PKP4: variants seen among roughly 807,000 people sequenced by gnomAD.
PKP4 encodes the protein plakophilin-4.
In PKP4, 90 loss-of-function variants were observed where a neutral mutation model predicts 145.1. The observed-to-expected ratio is 0.62, with a 90% CI of 0.52 to 0.74. The LOEUF (loss-of-function observed/expected upper bound fraction) is 0.74, where lower values mean the gene tolerates loss of function less well. Ranked by LOEUF, PKP4 falls within the 30% of genes least tolerant of loss-of-function variation. PKP4 has a pLI of 0.00. For synonymous variants in PKP4, 563 were observed against 577.2 expected (o/e 0.98, Z 0.35); for missense variants, 1,340 against 1,482.7 (o/e 0.90, Z 1.58).
chr2:158,545,925 A>G (rs1438854130), intron 2 of PKP4, among the ~76,000 whole-genome samples: 1 of 152,176 alleles, frequency 6.6e-6, no homozygotes, highest in African/African-American at 2.4e-5. Flanking sequence ...TCAAAATTGG[A>G]AGCATATTTT....
At chr2:158,520,321 A>G (rs1186605878) in intron 1 of PKP4, among the ~76,000 whole-genome samples, 1 of 152,164 alleles carries the variant, frequency 6.6e-6, no homozygotes, top group Non-Finnish European at 1.5e-5. Flanking sequence ...GGCTGAGGGT[A>G]TTATATTTTG....
At chr2:158,630,014 G>C (rs1271677756) in intron 7 of PKP4, among the ~76,000 whole-genome samples, 1 of 152,180 alleles carries the variant, frequency 6.6e-6, no homozygotes, top group African/African-American at 2.4e-5. Context: ...TTACAGGCAT[G>C]CGCCACCGTG....
chr2:158,544,745 C>T (rs1024590217), intron 2 of PKP4, among the ~76,000 whole-genome samples: 1 of 152,214 alleles, frequency 6.6e-6, no homozygotes, highest in Non-Finnish European at 1.5e-5. Flanking sequence ...ACTACTCCAA[C>T]TTATCTGTTA....
intron 1 of PKP4, among the ~76,000 whole-genome samples, chr2:158,502,980 T>C (rs959081448): frequency 2.6e-5 from 4 of 152,250 alleles, no homozygotes; most frequent in Admixed American, 2.0e-4. Context: ...TGCTAAGAAG[T>C]GTTAAAGACT....
At chr2:158,537,346 C>A (rs1459392108) in intron 2 of PKP4, among the ~76,000 whole-genome samples, 1 of 152,004 alleles carries the variant, frequency 6.6e-6, no homozygotes, top group Non-Finnish European at 1.5e-5. Context: ...CCAATTTAGT[C>A]GAAAGTTAAG....
At chr2:158,494,699 G>GA (rs1695425276) in intron 1 of PKP4, among the ~76,000 whole-genome samples, 1 of 152,130 alleles carries the variant, frequency 6.6e-6, no homozygotes, top group Non-Finnish European at 1.5e-5. Context: ...TAAGCAAACA[G>GA]CAAATGATTT....
At chr2:158,626,142 A>G (rs1410505775) in intron 7 of PKP4, among the ~76,000 whole-genome samples, 2 of 152,366 alleles carry the variant, frequency 1.3e-5, no homozygotes, top group African/African-American at 2.4e-5. Context: ...AATTAAAACT[A>G]TATGGGAAAA....
intron 4 of PKP4, among the ~76,000 whole-genome samples, chr2:158,610,314 G>A (rs764900403): frequency 2.8e-4 from 42 of 151,912 alleles, no homozygotes; most frequent in Non-Finnish European, 4.7e-4. Flanking sequence ...TTCACATCTC[G>A]AAATATACAA....
Position 158,670,004 on chromosome 2 carries a change from G to A in PKP4, c.2924+89G>A, listed in dbSNP as rs532893263. The A allele has an allele frequency of 2.1e-5, 22 of 1,030,074 alleles. 1 individual carries two copies. The Middle Eastern group carries it at 1.5e-3, about 68-fold the overall frequency. The allele number at this position is 1,030,074 out of a possible 1,614,324, so 63.8% of individuals were successfully genotyped here. A position where few individuals can be genotyped will look rare whatever the true frequency, so the allele number is the denominator to read the frequency against. ...CTTTGTTGAGGATACCTTTCCTATTGGAAAGGATTTATTTTTGCATTTCTT... is the reference window on the plus strand; with the variant it reads ...CTTTGTTGAGGATACCTTTCCTATTAGAAAGGATTTATTTTTGCATTTCTT... On this transcript the variant is annotated intron_variant, in intron 17 of 21. Transcript: ENST00000389759.
chr2:158,537,226 A>G (rs2105645975), intron 2 of PKP4, among the ~76,000 whole-genome samples: 1 of 152,344 alleles, frequency 6.6e-6, no homozygotes, highest in Middle Eastern at 3.4e-3. Context: ...CACTATATCC[A>G]TATTGATAAA....
chr2:158,528,259 T>C (rs2043142924), intron 1 of PKP4, among the ~76,000 whole-genome samples: 1 of 150,160 alleles, frequency 6.7e-6, no homozygotes, highest in African/African-American at 2.4e-5. Context: ...AATGATAGAC[T>C]GGATTAAGAA....
rs149323671 is a variant in PKP4, at chr2:158,611,610, AAC to A, written c.280+8509_280+8510del. The stretch of plus-strand genomic sequence containing the variant: ...GAGATAAGAAGTTGACTTAAATTGA[AAC>A]ACTTTATGCCTCAGTAGAAATGTAC... On this transcript the variant is annotated intron_variant, in intron 4 of 21. Coordinates refer to ENST00000389759, the MANE Select transcript of PKP4 (RefSeq NM_003628.6). Among the ~76,000 whole-genome samples, 463 of 152,326 alleles carry A rather than the reference AAC, an allele frequency of 3.0e-3. 3 individuals are homozygous for A. The highest frequency in any genetic ancestry group is 0.01 in the African/African-American group (434 of 41,586).
In PKP4 at chr2:158,640,779, G is replaced by A; in HGVS notation, c.1695+20G>A. 3 of 1,613,158 alleles carry A rather than the reference G, an allele frequency of 1.9e-6. No homozygotes were observed. Among genetic ancestry groups the A allele is most frequent in the Non-Finnish European group, 8.5e-7 (1 of 1,179,390 alleles). ...ATGGAGGTACAGGACATGGTGCCTG[G>A]GATGACTGGGGAAAATAATGCCTTT... On this transcript the variant is annotated intron_variant, in intron 10 of 21. Coordinates refer to ENST00000389759, the MANE Select transcript of PKP4 (RefSeq NM_003628.6).
chr2:158,593,214 A>G (rs930895388), intron 3 of PKP4, among the ~76,000 whole-genome samples: 1 of 152,190 alleles, frequency 6.6e-6, no homozygotes, highest in Non-Finnish European at 1.5e-5. Context: ...CCTCTGTTTC[A>G]AGGCCAAATC....
At chr2:158,639,321 G>GGT (rs60771839) in intron 9 of PKP4, among the ~76,000 whole-genome samples, 42 of 137,814 alleles carry the variant, frequency 3.0e-4, no homozygotes, top group African/African-American at 7.9e-4. Flanking sequence ...ACGCATGAGG[G>GGT]GTGTGTGTGT....
chr2:158,585,414 T>A (rs1321116579), intron 3 of PKP4, among the ~76,000 whole-genome samples: 2 of 152,230 alleles, frequency 1.3e-5, no homozygotes, highest in Non-Finnish European at 2.9e-5. Context: ...GCCATTCAGA[T>A]TTTTTATTTT....
intron 2 of PKP4, among the ~76,000 whole-genome samples, chr2:158,541,173 T>C (rs981619656): frequency 1.3e-5 from 2 of 152,156 alleles, no homozygotes; most frequent in African/African-American, 4.8e-5. Context: ...CTAAAGTTAT[T>C]CCGTAGCTAT....
intron 1 of PKP4, among the ~76,000 whole-genome samples, chr2:158,468,009 TG>T (rs1690924045): frequency 6.6e-6 from 1 of 152,236 alleles, no homozygotes; most frequent in South Asian, 2.1e-4. Flanking sequence ...TTCCATAATA[TG>T]GATGTACCAT....
chr2:158,666,589 G>A, intron 16 of PKP4, 26 bp downstream of exon 16: 1 of 1,564,126 alleles, frequency 6.4e-7, no homozygotes, highest in Non-Finnish European at 8.6e-7. Flanking sequence ...AAGATGAGCT[G>A]TAAATGTGAG....
Sources: allele counts gnomAD v4.1 joint callset (sites outside exome capture counted in the v4.1 genomes callset), GRCh38; gene constraint gnomAD v4.1.1; transcripts MANE v1.5; gene names NCBI Gene and HGNC (gene_info 2026-07-23, HGNC 2026-07-21).